Variants in PAXIP1 observed in about 807,000 individuals in gnomAD.
The protein encoded by PAXIP1 is PAX interacting protein 1.
Under a neutral mutation model 140.6 loss-of-function variants are expected in PAXIP1, and 19 were observed. The ratio of observed to expected loss-of-function variants is 0.14; its 90% confidence interval spans 0.09 to 0.20. The LOEUF (loss-of-function observed/expected upper bound fraction) is 0.20, where lower values mean the gene tolerates loss of function less well. Ranked by LOEUF, PAXIP1 falls within the 10% of genes least tolerant of loss-of-function variation. The pLI is 1.00. For missense variants in PAXIP1, 920 were observed against 1,208.6 expected (o/e 0.76, Z 3.54); for synonymous variants, 442 against 444.6 (o/e 0.99, Z 0.07).
At chr7:154,964,401 G>C (rs1366488678) in intron 8 of PAXIP1, 1 of 152,118 alleles carries the variant, frequency 6.6e-6, no homozygotes, top group Non-Finnish European at 1.5e-5. Context: ...CGGCCTATTA[G>C]GTGAAATATA....
chr7:154,944,409 T>G, intron 20 of PAXIP1: 1 of 390,738 alleles, frequency 2.6e-6, no homozygotes, highest in Non-Finnish European at 4.7e-6. Flanking sequence ...GTATCCACCA[T>G]GCGGCCAGAA....
chr7:154,970,763 C>T (rs1809270797), intron 6 of PAXIP1, among the ~76,000 whole-genome samples: 2 of 152,310 alleles, frequency 1.3e-5, no homozygotes, highest in South Asian at 4.1e-4. Context: ...CTGGAAACAG[C>T]GGCTGCCTCT....
chr7:154,999,301 A>G (rs1810780359), intron 1 of PAXIP1, among the ~76,000 whole-genome samples: 1 of 152,228 alleles, frequency 6.6e-6, no homozygotes. Context: ...AGCAGACCGT[A>G]AATGGGCTTT....
At position 154,986,112 on chromosome 7, in the gene PAXIP1, C is replaced by A; in HGVS notation, c.325-2780G>T. On this transcript the variant is annotated intron_variant, in intron 4 of 20. Transcript: ENST00000404141. The surrounding 1 kb of genome is among the most constrained non-coding windows in gnomAD (Gnocchi z 4.8). ...TTCCCAACTTCTGCTGGACAAGCTC[C>A]CTTCCCTACCTCTCCCTGGGAGAGC... 1.5e-6 allele frequency: 2 copies of A among 1,363,650 alleles called. No homozygotes were observed. The highest frequency in any genetic ancestry group is 2.0e-6 in the Non-Finnish European group (2 of 1,020,786). The allele number at this position is 1,363,650 out of a possible 1,614,324, so 84.5% of individuals were successfully genotyped here.
Position 154,943,931 on chromosome 7 carries a change from A to ATGTTTTG in PAXIP1, c.*217_*218insCAAAACA. On this transcript the variant is annotated 3_prime_UTR_variant, in exon 21 of 21. Transcript: ENST00000404141. ...AAACCTAATGTGGGCTCTTAAAGTC[A>ATGTTTTG]TATAATACAAAACATAATTTATGTT... 1 of 570,192 alleles carries ATGTTTTG rather than the reference A, an allele frequency of 1.8e-6. No individual in the cohort carries two copies. The highest frequency in any genetic ancestry group is 3.3e-6 in the Non-Finnish European group (1 of 305,670). 35.3% of individuals were successfully genotyped at this position (570,192 alleles called of 1,614,324 possible). A position where few individuals can be genotyped will look rare whatever the true frequency, so the allele number is the denominator to read the frequency against.
In PAXIP1 at chr7:154,983,364, A is replaced by G. The variant is rs370745842; in HGVS notation, c.325-32T>C. On this transcript the variant is annotated intron_variant, in intron 4 of 20. Transcript: ENST00000404141. ...GAAAGTTAGAAAGAAGGCTTTTACC[A>G]TACATTTCAATCTGTGCATGGCTAT... is the stretch of plus-strand genomic sequence containing the variant. 3.4e-5 allele frequency: 36 copies of G among 1,047,618 alleles called. No homozygotes were observed. In the African/African-American group the frequency reaches 5.0e-4, roughly 15 times the overall value. The allele number at this position is 1,047,618 out of a possible 1,614,324, so 64.9% of individuals were successfully genotyped here. A position where few individuals can be genotyped will look rare whatever the true frequency, so the allele number is the denominator to read the frequency against.
In PAXIP1 at chr7:154,946,010, T is replaced by TG; in HGVS notation, c.3194+354dup. The TG allele has an allele frequency of 1.8e-5, 18 of 985,026 alleles. No individual in the cohort carries two copies. Among genetic ancestry groups the TG allele is most frequent in the Non-Finnish European group, 2.0e-5 (17 of 829,550 alleles). 61.0% of individuals were successfully genotyped at this position (985,026 alleles called of 1,614,324 possible). A position where few individuals can be genotyped will look rare whatever the true frequency, so the allele number is the denominator to read the frequency against. On this transcript the variant is annotated intron_variant, in intron 20 of 20. Transcript: ENST00000404141. This position sits in a 1 kb window ranked among gnomAD's most constrained non-coding sequence, Gnocchi z 4.9. ...GACTATATACGAACTAAATTTCATT[T>TG]GGAAAACTACAAACTCAAAGGTGAG...
intron 6 of PAXIP1, 73 bp downstream of exon 6, chr7:154,975,623 C>A: frequency 9.3e-7 from 1 of 1,072,136 alleles, no homozygotes; most frequent in Non-Finnish European, 1.3e-6. Context: ...AACCAATAAA[C>A]TACATTGAAA....
chr7:154,967,626 A>T (rs1188717648), intron 8 of PAXIP1, 190 bp downstream of exon 8: 1 of 553,868 alleles, frequency 1.8e-6, no homozygotes, highest in Non-Finnish European at 3.2e-6. Context: ...TTCATCTAAC[A>T]GCTGAGAAAA....
chr7:154,989,360 G>T (rs1305331401), intron 4 of PAXIP1, among the ~76,000 whole-genome samples: 1 of 152,182 alleles, frequency 6.6e-6, no homozygotes, highest in Non-Finnish European at 1.5e-5. Context: ...GGAAAAGCAA[G>T]ATTATAACCA....
intron 2 of PAXIP1, among the ~76,000 whole-genome samples, chr7:154,995,577 C>T (rs1314392029): frequency 9.2e-5 from 14 of 152,320 alleles, no homozygotes; most frequent in South Asian, 2.1e-4. Context: ...TGGCTGATCG[C>T]GATGGCTCAT....
intron 16 of PAXIP1, chr7:154,950,651 A>G (rs1808231268): frequency 1.3e-5 from 2 of 152,268 alleles, no homozygotes; most frequent in African/African-American, 2.4e-5. Flanking sequence ...AGGAGTTGAA[A>G]ACTTACGTCC....
chr7:154,969,228 T>C (rs1289261896), intron 6 of PAXIP1, 102 bp from the exon 7 acceptor site: 6 of 1,214,224 alleles, frequency 4.9e-6, no homozygotes, highest in Non-Finnish European at 5.5e-6. Flanking sequence ...ATTAACAATA[T>C]TCAACTAAGT....
intron 4 of PAXIP1, among the ~76,000 whole-genome samples, chr7:154,987,678 C>T (rs370140649): frequency 3.3e-5 from 5 of 152,322 alleles, no homozygotes; most frequent in South Asian, 4.1e-4. Context: ...GCTCCTTCAG[C>T]GGTGCTGCCA....
In PAXIP1 at chr7:154,969,140, G is replaced by C. The variant is rs1809177635; in HGVS notation, c.1075-14C>G. ...AGTCTGTAAGATCTACAAAACAAAA[G>C]TTAGGTGAAACATTATCAACAGTTC... On this transcript the variant is annotated splice_polypyrimidine_tract_variant and intron_variant, in intron 6 of 20. Transcript: ENST00000404141. The C allele has an allele frequency of 6.9e-7, 1 of 1,452,602 alleles. No homozygotes were observed. Among genetic ancestry groups the C allele is most frequent in the Non-Finnish European group, 9.1e-7 (1 of 1,100,846 alleles). The allele number at this position is 1,452,602 out of a possible 1,614,324, so 90.0% of individuals were successfully genotyped here.
intron 6 of PAXIP1, among the ~76,000 whole-genome samples, chr7:154,971,896 C>T (rs1280117407): frequency 6.6e-6 from 1 of 152,172 alleles, no homozygotes; most frequent in Non-Finnish European, 1.5e-5. Context: ...AGAAGTAAAA[C>T]GTCCTTATGT....
chr7:155,000,158 C>CA (rs1025309831), intron 1 of PAXIP1: 52 of 150,200 alleles, frequency 3.5e-4, no homozygotes, highest in Admixed American at 7.9e-4. Flanking sequence ...GCTCCAACCT[C>CA]AAAAAAAAAT....
In PAXIP1 at chr7:154,954,048, A is replaced by G. The variant is rs1244642705; in HGVS notation, c.2821+207T>C. On this transcript the variant is annotated intron_variant, in intron 16 of 20. Coordinates refer to ENST00000404141, the MANE Select transcript of PAXIP1 (RefSeq NM_007349.4). This position sits in a 1 kb window ranked among gnomAD's most constrained non-coding sequence, Gnocchi z 5.1. ...GGTTGTTTTCCCCCTAATATTGTCC[A>G]ATTTACCAAAACTTTTACACCTAGG... Among the ~76,000 whole-genome samples, 1 of 152,212 alleles carries G rather than the reference A, an allele frequency of 6.6e-6. No individual in the cohort carries two copies. The highest frequency in any genetic ancestry group is 2.4e-5 in the African/African-American group (1 of 41,450).
chr7:154,946,682 G>C lies in PAXIP1; in HGVS notation c.3054C>G (p.Asn1018Lys), dbSNP rs1370952111. ...TGGCGGACTCCACTCTACCCACCGA[G>C]TTCTGCTTGTGCTCCATGAGCTTCC... ...SFRKLMEHKQ[N>K]SSLSEIILIS... is the part of the protein sequence containing the mutation. The change falls in exon 18 of 21, where the codon AAC becomes AAG. Residue 1018 changes from asparagine to lysine, a missense_variant. Around this residue, in one of 5 missense-constraint regions of PAXIP1, gnomAD observed 303 missense variants for 517.9 expected, o/e 0.59. Transcript: ENST00000404141. This position sits in a 1 kb window ranked among gnomAD's most constrained non-coding sequence, Gnocchi z 4.9. 5 of 1,613,700 alleles carry C rather than the reference G, an allele frequency of 3.1e-6. No individual in the cohort carries two copies. Among genetic ancestry groups the C allele is most frequent in the Non-Finnish European group, 4.2e-6 (5 of 1,179,886 alleles).
Sources: allele counts gnomAD v4.1 joint callset (sites outside exome capture counted in the v4.1 genomes callset), GRCh38; gene constraint gnomAD v4.1.1; regional missense constraint gnomAD v4.1.1; non-coding constraint Gnocchi (gnomAD v3.1); transcripts MANE v1.5; gene names NCBI Gene and HGNC (gene_info 2026-07-23, HGNC 2026-07-21).